The following KCNG2 variants were observed in gnomAD, a reference collection of about 807,000 sequenced individuals.
KCNG2 encodes the protein potassium voltage-gated channel modifier subfamily G member 2.
KCNG2 carries 7 observed loss-of-function variants against 12.3 expected under a neutral mutation model. The ratio of observed to expected loss-of-function variants is 0.57; its 90% CI spans 0.32 to 1.07. The LOEUF is 1.07. KCNG2 is among the 50% of genes least tolerant of loss of function. The pLI is 0.04. For synonymous variants in KCNG2, 414 were observed against 351.4 expected, an observed-to-expected ratio of 1.18 and a Z score of -1.99; for missense variants, 703 against 726.0, an observed-to-expected ratio of 0.97 and a Z score of 0.36.
intron 1 of KCNG2, among the ~76,000 whole-genome samples, chr18:79,823,299 C>T (rs745561523): frequency 6.6e-6 from 1 of 152,206 alleles, no homozygotes; most frequent in Non-Finnish European, 1.5e-5. Flanking sequence ...GCCATCTCCA[C>T]CTGTGCTGCT....
chr18:79,799,048 T>A (rs1050233808), intron 1 of KCNG2, among the ~76,000 whole-genome samples: 4 of 152,212 alleles, frequency 2.6e-5, no homozygotes, highest in Non-Finnish European at 4.4e-5. Flanking sequence ...CAGGAAGTCC[T>A]TTCCCTGCGG....
intron 3 of KCNG2, among the ~76,000 whole-genome samples, chr18:79,870,474 C>T (rs1979786153): frequency 6.6e-6 from 1 of 151,954 alleles, no homozygotes; most frequent in Non-Finnish European, 1.5e-5. Flanking sequence ...GTTTCCGTGC[C>T]CCCAGAGCTG....
chr18:79,853,948 G>A (rs774435915), intron 1 of KCNG2, among the ~76,000 whole-genome samples: 7 of 152,240 alleles, frequency 4.6e-5, no homozygotes, highest in African/African-American at 9.6e-5. Flanking sequence ...TTCCAACCTC[G>A]GGGTCCAGCC....
At chr18:79,798,440 T>G (rs1248774215) in intron 1 of KCNG2, among the ~76,000 whole-genome samples, 2 of 152,066 alleles carry the variant, frequency 1.3e-5, no homozygotes, top group Admixed American at 6.5e-5. Context: ...AACCCGACTC[T>G]CCCGGCGCCC....
chr18:79,845,531 T>TA (rs1978594196), intron 1 of KCNG2, among the ~76,000 whole-genome samples: 1 of 152,240 alleles, frequency 6.6e-6, no homozygotes, highest in African/African-American at 2.4e-5. Flanking sequence ...GTACTGTACA[T>TA]ACCCTGCTTT....
In KCNG2 at chr18:79,803,717, G is replaced by C. The variant is rs990298674; in HGVS notation, c.-115+5703G>C. 6.6e-6 allele frequency among the ~76,000 whole-genome samples: 1 copy of C among 152,196 alleles called. No individual in the cohort carries two copies. The highest frequency in any genetic ancestry group is 1.5e-5 in the Non-Finnish European group (1 of 68,028). ...AGCAGGGAGCCTGCCCTCCTGTCCA[G>C]GAGCCCTCACAGCTCAGCCGGGGCC... On this transcript the variant is annotated intron_variant, in intron 1 of 3. Coordinates refer to ENST00000316249, the MANE Select transcript of KCNG2 (RefSeq NM_012283.2). The surrounding 1 kb of genome is among the most constrained non-coding windows in gnomAD (Gnocchi z 4.5).
intron 3 of KCNG2, among the ~76,000 whole-genome samples, chr18:79,871,901 C>T (rs931419022): frequency 1.8e-4 from 28 of 152,326 alleles, no homozygotes; most frequent in East Asian, 1.5e-3. Flanking sequence ...CTGCCAGCAC[C>T]GAGTGAGGAC....
chr18:79,824,094 C>G (rs915835273), intron 1 of KCNG2, among the ~76,000 whole-genome samples: 5 of 152,224 alleles, frequency 3.3e-5, no homozygotes, highest in African/African-American at 1.2e-4. Flanking sequence ...CCTCCGCCCC[C>G]CAGGCTCAGA....
Position 79,899,287 on chromosome 18 carries a change from G to A in KCNG2, c.872G>A (p.Arg291His), listed in dbSNP as rs1015972327. The A allele has an allele frequency of 1.8e-5, 28 of 1,572,130 alleles. 1 individual carries two copies. The highest frequency in any genetic ancestry group is 3.6e-5 in the Admixed American group (2 of 55,584). The change falls in exon 4 of 4, where the codon CGT becomes CAT. Residue 291 changes from arginine (R) to histidine (H), a missense_variant. Coordinates refer to ENST00000316249, the MANE Select transcript of KCNG2 (RefSeq NM_012283.2). ...ERAGLVLRLL[R>H]ALRVLYVMRL... ...GCGGGGCTGGTGCTGCGGCTGCTGC[G>A]TGCGCTGCGCGTGCTCTACGTGATG...
intron 1 of KCNG2, among the ~76,000 whole-genome samples, chr18:79,842,467 A>G (rs778984538): frequency 1.3e-5 from 2 of 152,250 alleles, no homozygotes; most frequent in Admixed American, 6.5e-5. Context: ...ATCAGGGAAC[A>G]TGACATCACC....
In KCNG2 at chr18:79,885,529, G is replaced by A. The variant is rs116488175; in HGVS notation, c.625-13511G>A. Among the ~76,000 whole-genome samples the A allele has an allele frequency of 6.6e-3, 1,004 of 152,304 alleles. 16 individuals carry two copies. The highest frequency in any genetic ancestry group is 0.023 in the African/African-American group (957 of 41,564). ...GGTCCCTCCTTGTTGTGGGCAGGGCGGCGCTCAGAACACACACTCAGCCCG... is the reference window on the plus strand; with the variant it reads ...GGTCCCTCCTTGTTGTGGGCAGGGCAGCGCTCAGAACACACACTCAGCCCG... On this transcript the variant is annotated intron_variant, in intron 3 of 3. Transcript: ENST00000316249.
chr18:79,833,961 C>T (rs1017387616), intron 1 of KCNG2, among the ~76,000 whole-genome samples: 1 of 152,254 alleles, frequency 6.6e-6, no homozygotes, highest in Admixed American at 6.5e-5. Context: ...CTGGGCAGCA[C>T]AGCTCCTGAG....
At chr18:79,847,234 G>A (rs1978657235) in intron 1 of KCNG2, among the ~76,000 whole-genome samples, 1 of 152,198 alleles carries the variant, frequency 6.6e-6, no homozygotes, top group South Asian at 2.1e-4. Flanking sequence ...GGTCCCCCAG[G>A]TGCCTTGGGA....
At chr18:79,826,419 G>T (rs1419578443) in intron 1 of KCNG2, among the ~76,000 whole-genome samples, 1 of 151,650 alleles carries the variant, frequency 6.6e-6, no homozygotes, top group Non-Finnish European at 1.5e-5. Context: ...ACAACTGAGC[G>T]AGCAGCTCCT....
chr18:79,823,955 T>C (rs2087592062), intron 1 of KCNG2, among the ~76,000 whole-genome samples: 1 of 152,258 alleles, frequency 6.6e-6, no homozygotes, highest in African/African-American at 2.4e-5. Context: ...CTTGTGAAAT[T>C]TGTTCCTACA....
At chr18:79,858,498 T>C (rs1419594457) in intron 2 of KCNG2, among the ~76,000 whole-genome samples, 1 of 152,248 alleles carries the variant, frequency 6.6e-6, no homozygotes, top group East Asian at 1.9e-4. Context: ...TTTTCAGTTT[T>C]TGGCTATTCT....
intron 2 of KCNG2, among the ~76,000 whole-genome samples, chr18:79,859,065 T>C (rs1979122948): frequency 1.3e-5 from 2 of 152,226 alleles, no homozygotes; most frequent in Admixed American, 1.3e-4. Flanking sequence ...AAGAGTTTCA[T>C]TGGAATGAAG....
At chr18:79,807,743 G>C in intron 1 of KCNG2, among the ~76,000 whole-genome samples, 1 of 152,100 alleles carries the variant, frequency 6.6e-6, no homozygotes, top group Admixed American at 6.5e-5. Context: ...GGCACTCCAT[G>C]TTATATGCCC....
rs535796914 is a variant in KCNG2, at chr18:79,800,525, C to T, written c.-115+2511C>T. ...AGATGAGGCTTGGGAGGCAGGATCT[C>T]GGCCCCCTAAACCGGCTGAATCAGA... On this transcript the variant is annotated intron_variant, in intron 1 of 3. Coordinates refer to ENST00000316249, the MANE Select transcript of KCNG2 (RefSeq NM_012283.2). The surrounding 1 kb of genome is among the most constrained non-coding windows in gnomAD (Gnocchi z 4.0). Among the ~76,000 whole-genome samples, 84 of 152,308 alleles carry T rather than the reference C, an allele frequency of 5.5e-4. No individual in the cohort carries two copies. Among genetic ancestry groups the T allele is most frequent in the African/African-American group, 1.8e-3 (73 of 41,568 alleles).
Sources: gnomAD v4.1 joint callset for allele counts (sites outside exome capture counted in the v4.1 genomes callset) on GRCh38, gnomAD v4.1.1 for gene constraint, Gnocchi (gnomAD v3.1) non-coding constraint, MANE v1.5 for transcripts, NCBI Gene and HGNC (gene_info 2026-07-23, HGNC 2026-07-21) for gene names.